PAMR1: variants seen among roughly 807,000 people sequenced by gnomAD.
PAMR1 encodes peptidase domain containing associated with muscle regeneration 1.
PAMR1 carries 88 observed loss-of-function variants against 81.8 expected under a neutral mutation model. The ratio of observed to expected loss-of-function variants is 1.08; its 90% CI spans 0.91 to 1.28. PAMR1 has a LOEUF of 1.28. Ranked by LOEUF, PAMR1 falls within the 50% of genes most tolerant of loss-of-function variation. The pLI is 0.00. For missense variants in PAMR1, 935 were observed against 919.7 expected (o/e 1.02, Z -0.21); for synonymous variants, 336 against 345.3 (o/e 0.97, Z 0.30).
At chr11:35,455,210 A>G (rs1856503459) in intron 6 of PAMR1, among the ~76,000 whole-genome samples, 1 of 152,242 alleles carries the variant, frequency 6.6e-6, no homozygotes, top group Non-Finnish European at 1.5e-5. Flanking sequence ...GATGATAGTG[A>G]TATCAGGGAG....
At position 35,468,054 on chromosome 11, in the gene PAMR1, C is replaced by A. The variant is rs1214597437; in HGVS notation, c.767G>T (p.Gly256Val). 4 of 1,561,854 alleles carry A rather than the reference C, an allele frequency of 2.6e-6. No homozygotes were observed. The highest frequency in any genetic ancestry group is 3.5e-6 in the Non-Finnish European group (4 of 1,151,406). The change falls in exon 6 of 11, where the codon GGA becomes GTA. Residue 256 changes from glycine to valine, a missense_variant. Transcript: ENST00000619888. Reference sequence around the variant, plus strand: ...TGCCAAGCAGGCACACTTGTAAGATCCAGCCTTGTCAAGGACGCACGTGCC... The same window carrying A: ...TGCCAAGCAGGCACACTTGTAAGATACAGCCTTGTCAAGGACGCACGTGCC... Reference protein sequence around the residue: ...HDGTCVLDKAGSYKCACLAGY... With the variant: ...HDGTCVLDKAVSYKCACLAGY...
chr11:35,494,964 G>A (rs1203719545), intron 1 of PAMR1, among the ~76,000 whole-genome samples: 2 of 151,752 alleles, frequency 1.3e-5, no homozygotes, highest in Non-Finnish European at 2.9e-5. Flanking sequence ...TTATATTTTT[G>A]TTAGAATACA....
At chr11:35,513,212 GC>G (rs1225719053) in intron 1 of PAMR1, among the ~76,000 whole-genome samples, 1 of 152,194 alleles carries the variant, frequency 6.6e-6, no homozygotes, top group Non-Finnish European at 1.5e-5. Flanking sequence ...GATACTAATA[GC>G]AAACACCTTC....
chr11:35,454,789 G>A (rs1856493830), intron 6 of PAMR1, among the ~76,000 whole-genome samples: 1 of 152,164 alleles, frequency 6.6e-6, no homozygotes. Context: ...GCAAGTAGAG[G>A]CCAGGTCCTC....
upstream of PAMR1, chr11:35,525,689 G>T: frequency 2.2e-6 from 2 of 923,534 alleles, no homozygotes; most frequent in South Asian, 2.8e-5. Flanking sequence ...AGCCCCAGCT[G>T]AGCGGGAGCT....
intron 3 of PAMR1, among the ~76,000 whole-genome samples, chr11:35,480,960 T>C (rs1265307901): frequency 6.6e-6 from 1 of 152,198 alleles, no homozygotes; most frequent in Non-Finnish European, 1.5e-5. Context: ...TGGTGGTTGG[T>C]TTTCTGTTCC....
At chr11:35,469,357 C>T (rs1040550774) in intron 5 of PAMR1, among the ~76,000 whole-genome samples, 1 of 152,360 alleles carries the variant, frequency 6.6e-6, no homozygotes, top group African/African-American at 2.4e-5. Context: ...AAGACATTCT[C>T]CTGACCGTCC....
At chr11:35,494,498 TA>T (rs1850688921) in intron 1 of PAMR1, among the ~76,000 whole-genome samples, 1 of 152,180 alleles carries the variant, frequency 6.6e-6, no homozygotes. Context: ...TACGCCAGGC[TA>T]ATTTTTTGTA....
chr11:35,437,396 T>A (rs1029844573), intron 8 of PAMR1, among the ~76,000 whole-genome samples: 7 of 152,218 alleles, frequency 4.6e-5, no homozygotes, highest in Non-Finnish European at 1.0e-4. Context: ...TACCAATATA[T>A]CATCACAAGA....
intron 1 of PAMR1, among the ~76,000 whole-genome samples, chr11:35,516,974 G>A (rs2135423612): frequency 6.6e-6 from 1 of 152,266 alleles, no homozygotes; most frequent in South Asian, 2.1e-4. Flanking sequence ...GGTGGGAGAA[G>A]GGAGTGATTA....
chr11:35,527,545 G>A (rs1294615586), upstream of PAMR1, among the ~76,000 whole-genome samples: 1 of 152,168 alleles, frequency 6.6e-6, no homozygotes, highest in East Asian at 1.9e-4. Context: ...CCAGAGGGCA[G>A]CATATACCTA....
chr11:35,497,011 C>G (rs1196273135), intron 1 of PAMR1, among the ~76,000 whole-genome samples: 1 of 151,902 alleles, frequency 6.6e-6, no homozygotes, highest in Non-Finnish European at 1.5e-5. Context: ...ACTAAAGATA[C>G]AAAAAATTAG....
At chr11:35,475,366 G>A (rs1002786404) in intron 3 of PAMR1, among the ~76,000 whole-genome samples, 2 of 152,094 alleles carry the variant, frequency 1.3e-5, no homozygotes, top group African/African-American at 4.8e-5. Flanking sequence ...TTCAAATAAA[G>A]TCCTATCAAG....
chr11:35,470,497 A>G (rs7115023), intron 5 of PAMR1, 104 bp downstream of exon 5: 15,453 of 855,494 alleles, frequency 0.018, 215 homozygotes, highest in Non-Finnish European at 0.022. Flanking sequence ...AACACAGCCT[A>G]CTAGGTTTTA....
At position 35,525,543 on chromosome 11, in the gene PAMR1, G is replaced by A. The variant is rs1478438992; in HGVS notation, c.43C>T (p.Gln15Ter). ...CWTQLGLTFL[Q>*]LLLISSLPRE... ...GGCAAGGACGAGATGAGAAGGAGCT[G>A]AAGAAAAGTGAGCCCCAACTGCGTC... Residue 15 changes from glutamine (Q) to a stop codon, truncating the protein, a stop_gained, in exon 1 of 11, where the codon CAG becomes TAG. Coordinates refer to ENST00000619888, the MANE Select transcript of PAMR1 (RefSeq NM_001001991.3). LOFTEE classifies it high-confidence loss of function. 8 of 1,614,052 alleles carry A rather than the reference G, an allele frequency of 5.0e-6. No individual in the cohort carries two copies. The highest frequency in any genetic ancestry group is 1.1e-5 in the South Asian group (1 of 91,054).
At chr11:35,441,779 A>G (rs1013953610) in intron 6 of PAMR1, 86 bp from the exon 7 acceptor site, 10 of 873,890 alleles carry the variant, frequency 1.1e-5, no homozygotes, top group Non-Finnish European at 1.6e-5. Flanking sequence ...TCATTGAACT[A>G]AAAATACAAT....
At chr11:35,436,529 C>T (rs1856049028) in intron 8 of PAMR1, among the ~76,000 whole-genome samples, 1 of 152,318 alleles carries the variant, frequency 6.6e-6, no homozygotes, top group East Asian at 1.9e-4. Flanking sequence ...AAGCAATCCA[C>T]TCACCTTGGC....
chr11:35,460,891 C>G (rs1046848818), intron 6 of PAMR1, among the ~76,000 whole-genome samples: 6 of 152,312 alleles, frequency 3.9e-5, no homozygotes, highest in African/African-American at 1.4e-4. Flanking sequence ...AATCGCCACA[C>G]TCTTCCACAA....
intron 1 of PAMR1, among the ~76,000 whole-genome samples, chr11:35,514,796 G>A (rs1387426557): frequency 1.3e-5 from 2 of 152,076 alleles, no homozygotes; most frequent in Admixed American, 6.5e-5. Flanking sequence ...GACCAGCCTG[G>A]GCAACATAGC....
Sources: gnomAD v4.1 joint callset for allele counts (sites outside exome capture counted in the v4.1 genomes callset) on GRCh38, gnomAD v4.1.1 for gene constraint, MANE v1.5 for transcripts, NCBI Gene and HGNC (gene_info 2026-07-23, HGNC 2026-07-21) for gene names.